The following DOCK2 variants were observed in gnomAD, a reference collection of about 807,000 sequenced individuals.
DOCK2 encodes the protein dedicator of cytokinesis 2.
A neutral mutation model predicts 248.9 loss-of-function variants in DOCK2; 87 were observed. That is an observed-to-expected ratio of 0.35 (90% CI 0.29 to 0.42). The LOEUF is 0.42. DOCK2 is among the 10% of genes least tolerant of loss of function. The pLI, the probability that DOCK2 is intolerant of heterozygous loss-of-function variation, is 1.00. For synonymous variants in DOCK2, 805 were observed against 821.6 expected (o/e 0.98, Z 0.35); for missense variants, 1,747 against 2,300.2 (o/e 0.76, Z 4.92).
At chr5:170,080,927 C>G (rs1229832400) in intron 50 of DOCK2, 1 of 153,194 alleles carries the variant, frequency 6.5e-6, no homozygotes, top group Admixed American at 6.5e-5. Context: ...CAGAAGGGAA[C>G]AAGACAGGAC....
intron 27 of DOCK2, among the ~76,000 whole-genome samples, chr5:169,867,415 GTCT>G (rs1771639149): frequency 1.1e-5 from 1 of 93,008 alleles, no homozygotes; most frequent in Non-Finnish European, 2.0e-5. Context: ...CTCTCTGTCT[GTCT>G]GTCTGTCTGT....
At chr5:169,788,932 G>A (rs1766153186) in intron 25 of DOCK2, among the ~76,000 whole-genome samples, 1 of 152,054 alleles carries the variant, frequency 6.6e-6, no homozygotes, top group Non-Finnish European at 1.5e-5. Flanking sequence ...AGATTATTTT[G>A]TCACCCAGGT....
intron 26 of DOCK2, among the ~76,000 whole-genome samples, chr5:169,807,048 G>T (rs188361936): frequency 6.6e-6 from 1 of 152,014 alleles, no homozygotes; most frequent in Non-Finnish European, 1.5e-5. Context: ...AGTGAGACCT[G>T]GGCAGGGCGT....
At position 170,067,686 on chromosome 5, in the gene DOCK2, G is replaced by A; in HGVS notation, c.4644G>A (p.Lys1548=). 2 of 1,613,962 alleles carry A rather than the reference G, an allele frequency of 1.2e-6. No individual in the cohort carries two copies. Among genetic ancestry groups the A allele is most frequent in the Non-Finnish European group, 1.7e-6 (2 of 1,179,888 alleles). Residue 1548 remains lysine (K), a splice_region_variant and synonymous_variant, in exon 45 of 52, where the codon AAG becomes AAA. Transcript: ENST00000520908. ...AVMGGFAKYE[K]AFFTEEYVRD... ...TGGGAGGCTTCGCCAAGTATGAGAAGGTGAGGATTTCTGTTCTCCAAGTCT... is the reference window on the plus strand; with the variant it reads ...TGGGAGGCTTCGCCAAGTATGAGAAAGTGAGGATTTCTGTTCTCCAAGTCT...
At chr5:170,043,482 C>A (rs1756588528) in intron 38 of DOCK2, among the ~76,000 whole-genome samples, 2 of 152,208 alleles carry the variant, frequency 1.3e-5, no homozygotes, top group South Asian at 4.1e-4. Flanking sequence ...TGCAAGACCT[C>A]TTACAGTTCA....
intron 3 of DOCK2, among the ~76,000 whole-genome samples, chr5:169,670,246 G>A (rs1364725992): frequency 6.6e-6 from 1 of 152,190 alleles, no homozygotes; most frequent in Admixed American, 6.5e-5. Context: ...CCCACCTGCA[G>A]GATGAGTGGC....
chr5:169,812,483 G>A (rs1767819889), intron 26 of DOCK2, among the ~76,000 whole-genome samples: 1 of 152,192 alleles, frequency 6.6e-6, no homozygotes, highest in Admixed American at 6.5e-5. Context: ...TAAATGTAAT[G>A]CACTTGAATT....
chr5:169,701,402 C>G (rs1323943491), intron 13 of DOCK2, among the ~76,000 whole-genome samples: 1 of 152,212 alleles, frequency 6.6e-6, no homozygotes, highest in Non-Finnish European at 1.5e-5. Context: ...CCACATTTGT[C>G]TGGCGGTTGT....
chr5:169,942,458 C>CAGAT (rs1198074344), intron 27 of DOCK2, among the ~76,000 whole-genome samples: 2 of 152,200 alleles, frequency 1.3e-5, no homozygotes, highest in African/African-American at 2.4e-5. Flanking sequence ...ATGAGCCACA[C>CAGAT]AGATGTTCAA....
chr5:169,862,558 T>C lies in DOCK2; in HGVS notation c.2799+21706T>C, dbSNP rs10475924. On this transcript the variant is annotated intron_variant, in intron 27 of 51. Coordinates refer to ENST00000520908, the MANE Select transcript of DOCK2 (RefSeq NM_004946.3). ...AGTGGTAGCATATCTTATTGAAATGTGGCTTCTTAAGTATGACAAGTGTAT... is the reference window on the plus strand; with the variant it reads ...AGTGGTAGCATATCTTATTGAAATGCGGCTTCTTAAGTATGACAAGTGTAT... Among the ~76,000 whole-genome samples, 373 of 152,354 alleles carry C rather than the reference T, an allele frequency of 2.4e-3. 3 individuals carry two copies. The highest frequency in any genetic ancestry group is 8.7e-3 in the African/African-American group (361 of 41,578).
chr5:170,008,560 C>G lies in DOCK2; in HGVS notation c.3136C>G (p.Gln1046Glu), dbSNP rs1309041932. ...CACCCAGGATTCTCTGCAGCTGGAG[C>G]AGTTCTCACACGCCAAATACAACAA... Reference protein sequence around the residue: ...FITQDSLQLEQFSHAKYNKIL... With the variant: ...FITQDSLQLEEFSHAKYNKIL... The change falls in exon 31 of 52, where the codon CAG (glutamine) becomes GAG (glutamate). Residue 1046 changes from glutamine (Q) to glutamate (E), a missense_variant. Physicochemically the swap from Gln to Glu is conservative, Grantham distance 29. Coordinates refer to ENST00000520908, the MANE Select transcript of DOCK2 (RefSeq NM_004946.3). 1 of 1,614,038 alleles carries G rather than the reference C, an allele frequency of 6.2e-7. No individual in the cohort carries two copies. Among genetic ancestry groups the G allele is most frequent in the Non-Finnish European group, 8.5e-7 (1 of 1,179,996 alleles).
chr5:169,819,941 T>C (rs1223864084), intron 26 of DOCK2, among the ~76,000 whole-genome samples: 1 of 152,202 alleles, frequency 6.6e-6, no homozygotes, highest in Non-Finnish European at 1.5e-5. Context: ...ACTTTTCCAA[T>C]GCTCTTAGCA....
intron 49 of DOCK2, 101 bp from the exon 50 acceptor site, chr5:170,080,062 C>G: frequency 6.4e-7 from 1 of 1,554,390 alleles, no homozygotes; most frequent in South Asian, 1.2e-5. Context: ...TCATAGAAAC[C>G]ATGCCACGCC....
In DOCK2 at chr5:169,649,524, T is replaced by C. The variant is rs149021568; in HGVS notation, c.44-4879T>C. 4.5e-4 allele frequency among the ~76,000 whole-genome samples: 69 copies of C among 152,272 alleles called. No individual in the cohort carries two copies. In the East Asian group the frequency reaches 0.013, roughly 28 times the overall value. ...TGTGGGCCAGGCGCTAGGAATTCAGTGGTCAACAAGATAGGCTCAGTCTCC... is the reference window on the plus strand; with the variant it reads ...TGTGGGCCAGGCGCTAGGAATTCAGCGGTCAACAAGATAGGCTCAGTCTCC... On this transcript the variant is annotated intron_variant, in intron 1 of 51. Coordinates refer to ENST00000520908, the MANE Select transcript of DOCK2 (RefSeq NM_004946.3).
chr5:170,048,692 G>A (rs182094662), intron 40 of DOCK2, among the ~76,000 whole-genome samples: 1 of 152,308 alleles, frequency 6.6e-6, no homozygotes, highest in East Asian at 1.9e-4. Flanking sequence ...TCATGTTATT[G>A]TGAAAACAGT....
chr5:169,727,295 A>T (rs541709398), intron 22 of DOCK2, among the ~76,000 whole-genome samples: 1 of 152,292 alleles, frequency 6.6e-6, no homozygotes. Context: ...TATGATGTTC[A>T]TTATATAAAA....
At chr5:169,728,723 GT>G in intron 22 of DOCK2, among the ~76,000 whole-genome samples, 1 of 152,304 alleles carries the variant, frequency 6.6e-6, no homozygotes. Context: ...CCTCTTATCT[GT>G]TTGTGAATTA....
At chr5:169,788,656 C>A (rs1766138317) in intron 25 of DOCK2, among the ~76,000 whole-genome samples, 1 of 152,128 alleles carries the variant, frequency 6.6e-6, no homozygotes, top group African/African-American at 2.4e-5. Flanking sequence ...GTTGTCTTTT[C>A]CATTGGGATG....
chr5:169,672,981 T>C (rs1759123055), intron 5 of DOCK2, among the ~76,000 whole-genome samples: 1 of 152,232 alleles, frequency 6.6e-6, no homozygotes, highest in South Asian at 2.1e-4. Flanking sequence ...AGCACATTGA[T>C]GTGTTCACCT....
Sources: gnomAD v4.1 joint callset for allele counts (sites outside exome capture counted in the v4.1 genomes callset) on GRCh38, gnomAD v4.1.1 for gene constraint, MANE v1.5 for transcripts, NCBI Gene and HGNC (gene_info 2026-07-23, HGNC 2026-07-21) for gene names.